The following NINJ2 variants were observed in gnomAD, a reference collection of about 807,000 sequenced individuals.
NINJ2 encodes the protein ninjurin 2, also known as ninjurin-2.
NINJ2 carries 12 observed loss-of-function variants against 11.7 expected under a neutral mutation model. The observed-to-expected ratio is 1.02, with a 90% confidence interval of 0.66 to 1.66. The LOEUF is 1.66. Among genes scored for constraint, NINJ2 ranks in the 40% most tolerant of loss-of-function variants. The pLI is 0.00. For missense variants in NINJ2, 187 were observed against 181.8 expected (o/e 1.03, Z -0.16); for synonymous variants, 93 against 76.8 (o/e 1.21, Z -1.10).
chr12:607,530 C>T (rs543399717), intron 1 of NINJ2, among the ~76,000 whole-genome samples: 3 of 152,202 alleles, frequency 2.0e-5, no homozygotes, highest in Non-Finnish European at 4.4e-5. Flanking sequence ...CAGCTCTACT[C>T]CAGGAGCCTG....
intron 1 of NINJ2, among the ~76,000 whole-genome samples, chr12:622,451 A>G (rs1948165156): frequency 6.6e-6 from 1 of 151,344 alleles, no homozygotes. Context: ...AAAGAAAGAA[A>G]GGGGCTACCT....
intron 1 of NINJ2, among the ~76,000 whole-genome samples, chr12:593,673 C>T (rs1195725331): frequency 6.6e-6 from 1 of 151,996 alleles, no homozygotes; most frequent in Non-Finnish European, 1.5e-5. Flanking sequence ...CGTGAGTGTG[C>T]CACTGCCTCC....
intron 1 of NINJ2, chr12:643,746 C>T (rs186357898): frequency 1.1e-6 from 1 of 890,774 alleles, no homozygotes. Context: ...CTCGCTCCCC[C>T]CTCACATCAT....
intron 1 of NINJ2, among the ~76,000 whole-genome samples, chr12:605,083 T>TGAAC (rs1815337931): frequency 6.6e-6 from 1 of 152,236 alleles, no homozygotes; most frequent in African/African-American, 2.4e-5. Flanking sequence ...TTTGGATGTC[T>TGAAC]GAACTCCCAG....
chr12:652,984 A>G (rs1463090546), intron 1 of NINJ2, among the ~76,000 whole-genome samples: 1 of 149,874 alleles, frequency 6.7e-6, no homozygotes, highest in African/African-American at 2.4e-5. Flanking sequence ...AAAAAAATTC[A>G]TACATTTGTG....
chr12:585,268 C>A lies in NINJ2; in HGVS notation c.34-19090G>T, dbSNP rs1947615949. Reference sequence around the variant, plus strand: ...TGGGCTCTGGGGGCTCTGGGCTTCCCTGCTGCAAGCTCTTAACCCTTAGCG... The same window carrying A: ...TGGGCTCTGGGGGCTCTGGGCTTCCATGCTGCAAGCTCTTAACCCTTAGCG... On this transcript the variant is annotated intron_variant, in intron 1 of 3. Coordinates refer to ENST00000305108, the MANE Select transcript of NINJ2 (RefSeq NM_016533.6). This position sits in a 1 kb window ranked among gnomAD's most constrained non-coding sequence, Gnocchi z 4.1. Among the ~76,000 whole-genome samples the A allele has an allele frequency of 6.6e-6, 1 of 152,208 alleles. No individual in the cohort carries two copies. Among genetic ancestry groups the A allele is most frequent in the Admixed American group, 6.5e-5 (1 of 15,284 alleles).
intron 1 of NINJ2, among the ~76,000 whole-genome samples, chr12:653,397 G>A (rs2120532685): frequency 6.6e-6 from 1 of 152,112 alleles, no homozygotes; most frequent in East Asian, 1.9e-4. Flanking sequence ...GTATACTTAT[G>A]TATATGTTTT....
At chr12:658,415 T>G (rs1332725543) in intron 1 of NINJ2, among the ~76,000 whole-genome samples, 1 of 152,120 alleles carries the variant, frequency 6.6e-6, no homozygotes, top group Non-Finnish European at 1.5e-5. Flanking sequence ...GGAATATTAT[T>G]CAGTACTTAA....
At chr12:661,317 A>G in intron 1 of NINJ2, among the ~76,000 whole-genome samples, 1 of 152,226 alleles carries the variant, frequency 6.6e-6, no homozygotes, top group Non-Finnish European at 1.5e-5. Flanking sequence ...CTTGAGCTCA[A>G]GTGATCCTCC....
In NINJ2 at chr12:573,151, G is replaced by C. The variant is rs186800613; in HGVS notation, c.34-6973C>G. 4.0e-3 allele frequency among the ~76,000 whole-genome samples: 597 copies of C among 150,326 alleles called. 8 individuals carry two copies. Among genetic ancestry groups the C allele is most frequent in the African/African-American group, 0.014 (579 of 40,840 alleles). On this transcript the variant is annotated intron_variant, in intron 1 of 3. Transcript: ENST00000305108. ...CGCCATTCTCCTGCCTCAGCCTCCC[G>C]AGTAGCTGGGACTACAGGCGCCCGC... is the stretch of plus-strand genomic sequence containing the variant.
chr12:567,546 G>A (rs1381330620), intron 1 of NINJ2, among the ~76,000 whole-genome samples: 2 of 152,190 alleles, frequency 1.3e-5, no homozygotes, highest in African/African-American at 4.8e-5. Flanking sequence ...TGATTGGATA[G>A]GCAGGTCTCA....
intron 1 of NINJ2, among the ~76,000 whole-genome samples, chr12:602,541 G>T (rs901949001): frequency 2.0e-5 from 3 of 152,186 alleles, no homozygotes; most frequent in Non-Finnish European, 4.4e-5. Context: ...ATAGGAATTT[G>T]AGTTGTTTCC....
intron 1 of NINJ2, among the ~76,000 whole-genome samples, chr12:660,207 G>C: frequency 6.7e-6 from 1 of 149,772 alleles, no homozygotes; most frequent in Admixed American, 6.7e-5. Context: ...AGGATAACTT[G>C]GGCCCAGGAG....
intron 1 of NINJ2, among the ~76,000 whole-genome samples, chr12:608,671 T>C (rs964799163): frequency 2.0e-4 from 31 of 152,166 alleles, no homozygotes; most frequent in African/African-American, 7.5e-4. Context: ...TGCTAGCTAA[T>C]CCCATCTCAG....
rs200335608 is a variant in NINJ2, at chr12:581,159, CTGTG to C, written c.34-14985_34-14982del. Among the ~76,000 whole-genome samples the C allele has an allele frequency of 2.5e-4, 36 of 142,704 alleles. No homozygotes were observed. Among genetic ancestry groups the C allele is most frequent in the Non-Finnish European group, 3.9e-4 (25 of 64,760 alleles). The allele number at this position is 142,704 out of a possible 152,430, so 93.6% of individuals were successfully genotyped here. On this transcript the variant is annotated intron_variant, in intron 1 of 3. Transcript: ENST00000305108. The surrounding 1 kb of genome is among the most constrained non-coding windows in gnomAD (Gnocchi z 4.9). Reference sequence around the variant, plus strand: ...CCTCTGTGTGTGTGTGCATGTGTCTCTGTGTGTGTGTGTGTGTCTGTGTGTGTGT... The same window carrying C: ...CCTCTGTGTGTGTGTGCATGTGTCTCTGTGTGTGTGTGTCTGTGTGTGTGT...
intron 1 of NINJ2, among the ~76,000 whole-genome samples, chr12:642,001 C>A (rs764948836): frequency 3.3e-5 from 5 of 152,170 alleles, no homozygotes; most frequent in African/African-American, 1.2e-4. Flanking sequence ...GACATGGTCC[C>A]GGCATGGCCT....
chr12:651,726 G>A (rs1937789010), intron 1 of NINJ2, among the ~76,000 whole-genome samples: 1 of 152,162 alleles, frequency 6.6e-6, no homozygotes, highest in Non-Finnish European at 1.5e-5. Context: ...AGAAGAGATG[G>A]GCAACGTAAG....
intron 1 of NINJ2, among the ~76,000 whole-genome samples, chr12:599,666 C>A (rs1287304671): frequency 1.3e-5 from 2 of 152,180 alleles, no homozygotes; most frequent in Non-Finnish European, 2.9e-5. Flanking sequence ...GGAATTTGAA[C>A]CCTGACTTGC....
chr12:572,586 G>A (rs1339362973), intron 1 of NINJ2, among the ~76,000 whole-genome samples: 2 of 152,206 alleles, frequency 1.3e-5, no homozygotes, highest in African/African-American at 4.8e-5. Context: ...GCCTGGGCCT[G>A]TCACACTGTG....
Sources: gnomAD v4.1 joint callset for allele counts (sites outside exome capture counted in the v4.1 genomes callset) on GRCh38, gnomAD v4.1.1 for gene constraint, Gnocchi (gnomAD v3.1) non-coding constraint, MANE v1.5 for transcripts, NCBI Gene and HGNC (gene_info 2026-07-23, HGNC 2026-07-21) for gene names.